The following GBE1 variants were observed in gnomAD, a reference collection of about 807,000 sequenced individuals.
GBE1 encodes 1,4-alpha-glucan-branching enzyme.
In GBE1, 70 loss-of-function variants were observed where a neutral mutation model predicts 88.8. The ratio of observed to expected loss-of-function variants is 0.79; its 90% CI spans 0.65 to 0.96. The LOEUF is 0.96. Among genes scored for constraint, GBE1 ranks in the 40% least tolerant of loss-of-function variants. The pLI, the probability that GBE1 is intolerant of heterozygous loss-of-function variation, is 0.00. For missense variants in GBE1, 872 were observed against 871.0 expected, an observed-to-expected ratio of 1.00 and a Z score of -0.01; for synonymous variants, 284 against 300.1, an observed-to-expected ratio of 0.95 and a Z score of 0.56.
intron 2 of GBE1, among the ~76,000 whole-genome samples, chr3:81,697,895 A>G (rs1169191028): frequency 1.3e-5 from 2 of 151,908 alleles, no homozygotes; most frequent in East Asian, 3.9e-4. Context: ...AACAAGGGAC[A>G]TGGGAATTGT....
intron 2 of GBE1, among the ~76,000 whole-genome samples, chr3:81,685,583 C>T (rs1398604356): frequency 2.6e-5 from 4 of 151,930 alleles, no homozygotes; most frequent in Admixed American, 6.6e-5. Context: ...GGTTTCACCA[C>T]GTTGGCCAGG....
intron 12 of GBE1, among the ~76,000 whole-genome samples, chr3:81,550,297 G>A (rs1036735957): frequency 6.6e-6 from 1 of 151,076 alleles, no homozygotes; most frequent in Non-Finnish European, 1.5e-5. Flanking sequence ...CAATAGTTAC[G>A]AATGGCTATC....
intron 7 of GBE1, among the ~76,000 whole-genome samples, chr3:81,633,663 G>C (rs572716575): frequency 1.3e-5 from 2 of 152,226 alleles, no homozygotes; most frequent in South Asian, 2.1e-4. Flanking sequence ...AATTCTGCTA[G>C]GTGATAATAT....
At chr3:81,631,228 C>A (rs1704503794) in intron 7 of GBE1, among the ~76,000 whole-genome samples, 1 of 151,764 alleles carries the variant, frequency 6.6e-6, no homozygotes, top group Admixed American at 6.6e-5. Context: ...GAAAGATATT[C>A]CCTGATATAA....
intron 12 of GBE1, among the ~76,000 whole-genome samples, chr3:81,568,211 G>A (rs978109297): frequency 1.3e-5 from 2 of 151,976 alleles, no homozygotes; most frequent in African/African-American, 4.8e-5. Context: ...GCAGTGGCAC[G>A]ATCTGGTCTC....
chr3:81,722,896 G>GTATATATA (rs553712949), intron 1 of GBE1, among the ~76,000 whole-genome samples: 221 of 135,298 alleles, frequency 1.6e-3, no homozygotes, highest in East Asian at 7.6e-3. Flanking sequence ...GTGTGTGTGT[G>GTATATATA]TATATATATA....
intron 14 of GBE1, among the ~76,000 whole-genome samples, chr3:81,513,603 GA>G (rs1300272261): frequency 1.3e-5 from 2 of 151,032 alleles, no homozygotes; most frequent in Admixed American, 1.3e-4. Context: ...TAGGACAATA[GA>G]AAAAAGACAA....
chr3:81,536,039 G>C (rs1323669196), intron 13 of GBE1, among the ~76,000 whole-genome samples: 1 of 151,878 alleles, frequency 6.6e-6, no homozygotes, highest in East Asian at 1.9e-4. Context: ...TTAGAAATGT[G>C]AACTACAGCT....
chr3:81,580,531 T>C (rs1703712140), intron 11 of GBE1, among the ~76,000 whole-genome samples: 1 of 152,238 alleles, frequency 6.6e-6, no homozygotes, highest in Non-Finnish European at 1.5e-5. Context: ...TTTCAAAGTA[T>C]TGAAGAACAG....
intron 11 of GBE1, among the ~76,000 whole-genome samples, chr3:81,580,545 G>A (rs1222268407): frequency 6.6e-6 from 1 of 152,122 alleles, no homozygotes; most frequent in Non-Finnish European, 1.5e-5. Flanking sequence ...AGAACAGGAG[G>A]CTTGGAGAGT....
chr3:81,610,477 A>C (rs754807143), intron 7 of GBE1, among the ~76,000 whole-genome samples: 2 of 152,200 alleles, frequency 1.3e-5, no homozygotes, highest in Non-Finnish European at 2.9e-5. Flanking sequence ...TTCATAAGAA[A>C]AGACCTATTT....
intron 12 of GBE1, among the ~76,000 whole-genome samples, chr3:81,552,520 T>TAAAAAAAAAA (rs58899195): frequency 1.8e-5 from 1 of 55,826 alleles, no homozygotes; most frequent in Non-Finnish European, 3.4e-5. Context: ...CTATCTTATA[T>TAAAAAAAAAA]AAAAAAAAAA....
chr3:81,644,049 T>G (rs1704730233), intron 6 of GBE1, among the ~76,000 whole-genome samples: 1 of 152,160 alleles, frequency 6.6e-6, no homozygotes, highest in South Asian at 2.1e-4. Context: ...CCTTAAAGTT[T>G]TTTTTTTCAT....
At chr3:81,619,171 G>A (rs776026209) in intron 7 of GBE1, among the ~76,000 whole-genome samples, 2 of 94,072 alleles carry the variant, frequency 2.1e-5, no homozygotes, top group Non-Finnish European at 4.0e-5. Context: ...GAATAACAAC[G>A]ATATTCTGCA....
chr3:81,627,131 G>T (rs1704428676), intron 7 of GBE1, among the ~76,000 whole-genome samples: 1 of 152,120 alleles, frequency 6.6e-6, no homozygotes, highest in Non-Finnish European at 1.5e-5. Context: ...TATTCAAAAA[G>T]TATTACTTCA....
intron 2 of GBE1, among the ~76,000 whole-genome samples, chr3:81,689,710 A>G (rs1245811471): frequency 6.6e-6 from 1 of 152,102 alleles, no homozygotes; most frequent in Non-Finnish European, 1.5e-5. Context: ...TCTCTTGATC[A>G]TTGGCCATAT....
At chr3:81,657,082 T>G (rs1488250279) in intron 3 of GBE1, among the ~76,000 whole-genome samples, 2 of 144,854 alleles carry the variant, frequency 1.4e-5, no homozygotes, top group Admixed American at 1.4e-4. Flanking sequence ...CTTGAACCTT[T>G]CAGGCAGAGG....
chr3:81,591,011 A>G, intron 9 of GBE1, 26 bp downstream of exon 9: 1 of 1,591,244 alleles, frequency 6.3e-7, no homozygotes, highest in Non-Finnish European at 8.6e-7. Context: ...AGGGGGTCAG[A>G]AGGTAAGACT....
chr3:81,720,749 C>T lies in GBE1; in HGVS notation c.144-15136G>A, dbSNP rs149691758. On this transcript the variant is annotated intron_variant, in intron 1 of 15. Transcript: ENST00000429644. ...AGATTTAAAAGAAAACCCACATGCACACGTATGTTTATTGCGGCACTATTC... is the reference window on the plus strand; with the variant it reads ...AGATTTAAAAGAAAACCCACATGCATACGTATGTTTATTGCGGCACTATTC... Among the ~76,000 whole-genome samples, 12 of 151,964 alleles carry T rather than the reference C, an allele frequency of 7.9e-5. No individual in the cohort carries two copies. In the East Asian group the frequency reaches 2.0e-3, roughly 25 times the overall value.
Sources: gnomAD v4.1 joint callset for allele counts (sites outside exome capture counted in the v4.1 genomes callset) on GRCh38, gnomAD v4.1.1 for gene constraint, MANE v1.5 for transcripts, NCBI Gene and HGNC (gene_info 2026-07-23, HGNC 2026-07-21) for gene names.